The following RAB11FIP4 variants were observed in gnomAD, a reference collection of about 807,000 sequenced individuals.
RAB11FIP4 encodes the protein rab11 family-interacting protein 4.
RAB11FIP4 carries 23 observed loss-of-function variants against 74.3 expected under a neutral mutation model. That is an observed-to-expected ratio of 0.31 (90% CI 0.22 to 0.44). The LOEUF is 0.44. RAB11FIP4 is among the 20% of genes least tolerant of loss of function. RAB11FIP4 has a pLI of 1.00. For synonymous variants in RAB11FIP4, 360 were observed against 359.9 expected (o/e 1.00, Z 0.00); for missense variants, 630 against 863.9 (o/e 0.73, Z 3.39).
In RAB11FIP4 at chr17:31,533,609, C is replaced by G. The variant is rs936539646; in HGVS notation, c.*1877C>G. Reference sequence around the variant, plus strand: ...AGAAGGAGTACTGGTGCGTGGGGGCCTTACCCCAGGGTTGAGTATTTTATC... The same window carrying G: ...AGAAGGAGTACTGGTGCGTGGGGGCGTTACCCCAGGGTTGAGTATTTTATC... On this transcript the variant is annotated 3_prime_UTR_variant, in exon 15 of 15. Coordinates refer to ENST00000621161, the MANE Select transcript of RAB11FIP4 (RefSeq NM_032932.6). 6.6e-6 allele frequency: 1 copy of G among 152,286 alleles called. No individual in the cohort carries two copies. The highest frequency in any genetic ancestry group is 2.4e-5 in the African/African-American group (1 of 41,452). The allele number at this position is 152,286 out of a possible 1,614,324, so 9.4% of individuals were successfully genotyped here. A position where few individuals can be genotyped will look rare whatever the true frequency, so the allele number is the denominator to read the frequency against.
intron 10 of RAB11FIP4, chr17:31,526,173 T>C (rs2072763680): frequency 6.6e-6 from 1 of 152,214 alleles, no homozygotes; most frequent in South Asian, 2.1e-4. Context: ...TTTGCATCTG[T>C]TTCTGGAGGC....
chr17:31,522,276 C>T (rs1182331743), intron 6 of RAB11FIP4, 84 bp from the exon 7 acceptor site: 19 of 1,428,816 alleles, frequency 1.3e-5, no homozygotes, highest in Non-Finnish European at 1.7e-5. Context: ...CCTTGTCCTG[C>T]ACTGTGGTGT....
At chr17:31,475,542 T>C (rs1597939626) in intron 3 of RAB11FIP4, among the ~76,000 whole-genome samples, 1 of 152,334 alleles carries the variant, frequency 6.6e-6, no homozygotes. Context: ...AGTTGGTCCT[T>C]ATTACTTGCA....
At chr17:31,485,247 G>A (rs1167465092) in intron 3 of RAB11FIP4, among the ~76,000 whole-genome samples, 1 of 152,196 alleles carries the variant, frequency 6.6e-6, no homozygotes, top group Non-Finnish European at 1.5e-5. Context: ...CAATGCATCT[G>A]TGGCCTTTCT....
At chr17:31,520,094 CAAAAAAAAA>C (rs10612669) in intron 4 of RAB11FIP4, among the ~76,000 whole-genome samples, 3 of 91,778 alleles carry the variant, frequency 3.3e-5, no homozygotes, top group Non-Finnish European at 7.5e-5. Flanking sequence ...ACTCTGTCTC[CAAAAAAAAA>C]AAAAAAAAAA....
chr17:31,415,540 C>G (rs1034712006), intron 1 of RAB11FIP4, among the ~76,000 whole-genome samples: 3 of 152,202 alleles, frequency 2.0e-5, no homozygotes, highest in Non-Finnish European at 2.9e-5. Flanking sequence ...CTTCCTCCCC[C>G]CAATCCCCAT....
In RAB11FIP4 at chr17:31,537,601, C is replaced by T. The variant is rs571594114; in HGVS notation, c.*5869C>T. 1.9e-4 allele frequency: 31 copies of T among 163,686 alleles called. No individual in the cohort carries two copies. The highest frequency in any genetic ancestry group is 6.2e-4 in the African/African-American group (26 of 42,092). The allele number at this position is 163,686 out of a possible 1,614,324, so 10.1% of individuals were successfully genotyped here. Reference sequence around the variant, plus strand: ...CCGCTCCGTGCACTGTCTCTGCCCCCAGAGGAAGCCCTGTCCATGGTTCCT... The same window carrying T: ...CCGCTCCGTGCACTGTCTCTGCCCCTAGAGGAAGCCCTGTCCATGGTTCCT... On this transcript the variant is annotated 3_prime_UTR_variant, in exon 15 of 15. Transcript: ENST00000621161.
At chr17:31,463,603 A>G (rs2071653613) in intron 3 of RAB11FIP4, among the ~76,000 whole-genome samples, 1 of 152,072 alleles carries the variant, frequency 6.6e-6, no homozygotes, top group African/African-American at 2.4e-5. Context: ...TCCCAGGCTC[A>G]AGCGAATCTC....
At chr17:31,484,633 C>A (rs941072244) in intron 3 of RAB11FIP4, among the ~76,000 whole-genome samples, 1 of 152,072 alleles carries the variant, frequency 6.6e-6, no homozygotes, top group Admixed American at 6.6e-5. Context: ...CACCCCACCC[C>A]CCACTGGACT....
chr17:31,501,240 A>G (rs187275997), intron 3 of RAB11FIP4, among the ~76,000 whole-genome samples: 1 of 150,290 alleles, frequency 6.7e-6, no homozygotes, highest in East Asian at 1.9e-4. Context: ...GAGTCTCTTG[A>G]GTAGGTTCTG....
At chr17:31,520,061 C>T (rs2072632957) in intron 4 of RAB11FIP4, among the ~76,000 whole-genome samples, 2 of 142,468 alleles carry the variant, frequency 1.4e-5, no homozygotes, top group African/African-American at 5.3e-5. Context: ...CACCAATGCA[C>T]TCCAGCCAGG....
chr17:31,471,384 G>T (rs1470662201), intron 3 of RAB11FIP4, among the ~76,000 whole-genome samples: 3 of 152,002 alleles, frequency 2.0e-5, no homozygotes, highest in Non-Finnish European at 4.4e-5. Context: ...AGTTTTTTAA[G>T]TGTCCAGGAT....
intron 3 of RAB11FIP4, chr17:31,509,445 G>C (rs1268948662): frequency 6.6e-6 from 1 of 152,286 alleles, no homozygotes; most frequent in Non-Finnish European, 1.5e-5. Flanking sequence ...GCCCTGCTGA[G>C]GGGTGGTCTT....
chr17:31,465,528 AG>A (rs1172659923), intron 3 of RAB11FIP4: 4 of 149,952 alleles, frequency 2.7e-5, no homozygotes, highest in African/African-American at 9.8e-5. Flanking sequence ...AAAAAAAAAA[AG>A]AACCCCAGCC....
At chr17:31,487,173 G>A (rs957133456) in intron 3 of RAB11FIP4, among the ~76,000 whole-genome samples, 1 of 152,216 alleles carries the variant, frequency 6.6e-6, no homozygotes, top group African/African-American at 2.4e-5. Flanking sequence ...GCAACAGCAG[G>A]TCAAAGGGCA....
chr17:31,479,064 A>G (rs2071821942), intron 3 of RAB11FIP4, among the ~76,000 whole-genome samples: 1 of 152,208 alleles, frequency 6.6e-6, no homozygotes, highest in Non-Finnish European at 1.5e-5. Flanking sequence ...CTCTGCCACC[A>G]CTTAATCCTC....
chr17:31,488,453 T>C, intron 3 of RAB11FIP4: 1 of 628,588 alleles, frequency 1.6e-6, no homozygotes, highest in Non-Finnish European at 2.0e-6. Context: ...GGCGGCTCCT[T>C]CCCCAGCGCA....
chr17:31,452,899 C>A (rs1451648634), intron 3 of RAB11FIP4, among the ~76,000 whole-genome samples: 3 of 152,196 alleles, frequency 2.0e-5, no homozygotes, highest in Admixed American at 6.5e-5. Flanking sequence ...GGATGTTGCC[C>A]CTGCTGGAAG....
chr17:31,469,903 C>T (rs1373849159), intron 3 of RAB11FIP4, among the ~76,000 whole-genome samples: 1 of 152,196 alleles, frequency 6.6e-6, no homozygotes, highest in African/African-American at 2.4e-5. Flanking sequence ...GATGAGTAAG[C>T]GGAGACCCAG....
Sources: gnomAD v4.1 joint callset for allele counts (sites outside exome capture counted in the v4.1 genomes callset) on GRCh38, gnomAD v4.1.1 for gene constraint, MANE v1.5 for transcripts, NCBI Gene and HGNC (gene_info 2026-07-23, HGNC 2026-07-21) for gene names.